SYT14: variants seen among roughly 807,000 people sequenced by gnomAD.
SYT14 encodes the protein synaptotagmin-14.
SYT14 carries 32 observed loss-of-function variants against 74.2 expected under a neutral mutation model. The ratio of observed to expected loss-of-function variants is 0.43; its 90% confidence interval spans 0.33 to 0.58. The LOEUF is 0.58. SYT14 is among the 20% of genes least tolerant of loss of function. SYT14 has a pLI of 0.05. For missense variants in SYT14, 791 were observed against 981.8 expected (o/e 0.81, Z 2.60); for synonymous variants, 298 against 337.7 (o/e 0.88, Z 1.29).
At chr1:209,948,140 T>C (rs1202565757) in intron 1 of SYT14, among the ~76,000 whole-genome samples, 1 of 152,214 alleles carries the variant, frequency 6.6e-6, no homozygotes, top group Non-Finnish European at 1.5e-5. Flanking sequence ...ATTGCAGTGG[T>C]TGGGAGTCAA....
At chr1:209,977,620 T>C (rs1341402220) in intron 2 of SYT14, among the ~76,000 whole-genome samples, 2 of 152,340 alleles carry the variant, frequency 1.3e-5, no homozygotes, top group East Asian at 3.9e-4. Flanking sequence ...CCGACCTTTC[T>C]CTCTGGCTGC....
At chr1:210,104,934 C>G (rs1377218967) in intron 7 of SYT14, among the ~76,000 whole-genome samples, 3 of 152,060 alleles carry the variant, frequency 2.0e-5, no homozygotes, top group Non-Finnish European at 4.4e-5. Flanking sequence ...TTTAGGAAAA[C>G]TGATATTTGA....
chr1:210,157,641 C>G (rs1419456867), intron 8 of SYT14, among the ~76,000 whole-genome samples: 1 of 151,538 alleles, frequency 6.6e-6, no homozygotes, highest in African/African-American at 2.4e-5. Flanking sequence ...ACTTGGGAGG[C>G]TGAGGCAAGA....
chr1:209,960,290 G>A (rs1237398106), intron 2 of SYT14, among the ~76,000 whole-genome samples: 3 of 151,966 alleles, frequency 2.0e-5, no homozygotes, highest in Non-Finnish European at 4.4e-5. Context: ...GTCTGTTTTT[G>A]GAAATTGTAG....
chr1:209,986,728 A>G (rs2079577349), intron 2 of SYT14, among the ~76,000 whole-genome samples: 1 of 152,078 alleles, frequency 6.6e-6, no homozygotes, highest in African/African-American at 2.4e-5. Context: ...GGTTCAAGCA[A>G]TTCCCCTGCC....
chr1:209,963,773 T>A (rs1171399924), intron 2 of SYT14, among the ~76,000 whole-genome samples: 2 of 152,216 alleles, frequency 1.3e-5, no homozygotes, highest in African/African-American at 2.4e-5. Context: ...GGTGATGATT[T>A]CCTCAAAGAA....
intron 2 of SYT14, among the ~76,000 whole-genome samples, chr1:209,991,890 A>G: frequency 6.6e-6 from 1 of 152,168 alleles, no homozygotes; most frequent in East Asian, 1.9e-4. Flanking sequence ...AAATGGAAAC[A>G]TACGCTGTTG....
intron 5 of SYT14, among the ~76,000 whole-genome samples, chr1:210,034,107 A>C (rs975754916): frequency 6.6e-6 from 1 of 151,866 alleles, no homozygotes; most frequent in Non-Finnish European, 1.5e-5. Context: ...TAAATTAACT[A>C]ATTTAATCTT....
At chr1:209,963,709 T>G (rs928954537) in intron 2 of SYT14, among the ~76,000 whole-genome samples, 22 of 152,182 alleles carry the variant, frequency 1.4e-4, no homozygotes, top group African/African-American at 5.3e-4. Context: ...AAACAAACCT[T>G]TAAGAAATAT....
At chr1:209,990,525 A>ATATATATATATACG (rs1558114452) in intron 2 of SYT14, among the ~76,000 whole-genome samples, 2 of 96,562 alleles carry the variant, frequency 2.1e-5, no homozygotes, top group African/African-American at 3.9e-5. Context: ...AATATTTCAC[A>ATATATATATATACG]TATATATATA....
intron 5 of SYT14, among the ~76,000 whole-genome samples, chr1:210,046,971 A>G (rs1451940533): frequency 6.6e-6 from 1 of 152,150 alleles, no homozygotes; most frequent in Non-Finnish European, 1.5e-5. Context: ...TATTAACATC[A>G]TATAGCTACT....
At chr1:210,117,332 A>T (rs2082381019) in intron 7 of SYT14, among the ~76,000 whole-genome samples, 1 of 152,158 alleles carries the variant, frequency 6.6e-6, no homozygotes, top group South Asian at 2.1e-4. Context: ...ACTTTATATT[A>T]TAAGGAAATA....
At chr1:210,094,435 G>A (rs1424087156) in exon 6 of SYT14, 7 of 1,613,808 alleles carry the variant, frequency 4.3e-6, no homozygotes, top group Non-Finnish European at 5.9e-6. Flanking sequence ...AGAAATTGGG[G>A]ACAGTAAATG....
Position 210,051,440 on chromosome 1 carries a change from CATT to C in SYT14, c.1312+30188_1312+30190del, listed in dbSNP as rs765311986. Among the ~76,000 whole-genome samples the C allele has an allele frequency of 1.2e-4, 19 of 152,250 alleles. No homozygotes were observed. In the East Asian group the frequency reaches 1.7e-3, roughly 14 times the overall value. ...TCAATTTGTTTTTGAATATGTAAAACATTAGTCTAAATTAAAAGCTAAATAAAA... is the reference window on the plus strand; with the variant it reads ...TCAATTTGTTTTTGAATATGTAAAACAGTCTAAATTAAAAGCTAAATAAAA... On this transcript the variant is annotated intron_variant, in intron 5 of 9. Transcript: ENST00000637265.
intron 1 of SYT14, among the ~76,000 whole-genome samples, chr1:209,946,387 G>A (rs1263681624): frequency 1.3e-5 from 2 of 152,218 alleles, no homozygotes; most frequent in Non-Finnish European, 1.5e-5. Context: ...AATTAACAGT[G>A]CTACCTGCTG....
At chr1:209,986,938 T>C (rs2079581156) in intron 2 of SYT14, among the ~76,000 whole-genome samples, 1 of 152,150 alleles carries the variant, frequency 6.6e-6, no homozygotes, top group Non-Finnish European at 1.5e-5. Context: ...TCTTTCATTT[T>C]CAAACTTACA....
At chr1:210,048,517 C>T (rs2080928422) in intron 5 of SYT14, among the ~76,000 whole-genome samples, 2 of 152,168 alleles carry the variant, frequency 1.3e-5, no homozygotes, top group South Asian at 2.1e-4. Flanking sequence ...GAGACTCAGT[C>T]ACTATCACAA....
chr1:210,140,592 A>G (rs534085026), intron 7 of SYT14, among the ~76,000 whole-genome samples: 21 of 152,204 alleles, frequency 1.4e-4, no homozygotes, highest in African/African-American at 5.1e-4. Context: ...TATAAGATAA[A>G]GATTTACTAC....
exon 10 of SYT14, chr1:210,170,866 C>T (rs2083517470): frequency 6.6e-6 from 1 of 152,042 alleles, no homozygotes; most frequent in African/African-American, 2.4e-5. Context: ...AATTGTAAGT[C>T]AAATCTGGCT....
Sources: gnomAD v4.1 joint callset for allele counts (sites outside exome capture counted in the v4.1 genomes callset) on GRCh38, gnomAD v4.1.1 for gene constraint, MANE v1.5 for transcripts, NCBI Gene and HGNC (gene_info 2026-07-23, HGNC 2026-07-21) for gene names.